KYAT1: variants seen among roughly 807,000 people sequenced by gnomAD.
The protein encoded by KYAT1 is kynurenine aminotransferase 1, also known as kynurenine--oxoglutarate transaminase 1.
Under a neutral mutation model 52.4 loss-of-function variants are expected in KYAT1, and 47 were observed. That is an observed-to-expected ratio of 0.90 (90% CI 0.71 to 1.14). KYAT1 has a LOEUF of 1.14. KYAT1 is among the 50% of genes most tolerant of loss of function. The pLI is 0.00. For missense variants in KYAT1, 480 were observed against 557.9 expected (o/e 0.86, Z 1.41); for synonymous variants, 212 against 209.6 (o/e 1.01, Z -0.10).
chr9:128,838,682 C>G (rs1831577628), intron 3 of KYAT1, among the ~76,000 whole-genome samples: 1 of 152,200 alleles, frequency 6.6e-6, no homozygotes, highest in African/African-American at 2.4e-5. Flanking sequence ...TGCCAACCAC[C>G]AGGCCTGCAC....
At chr9:128,871,150 C>A (rs1377867472) in intron 1 of KYAT1, among the ~76,000 whole-genome samples, 2 of 151,874 alleles carry the variant, frequency 1.3e-5, no homozygotes, top group African/African-American at 4.8e-5. Flanking sequence ...AATCCCATCT[C>A]TACAAAAAAT....
intron 1 of KYAT1, among the ~76,000 whole-genome samples, chr9:128,854,313 G>A (rs914154822): frequency 3.9e-5 from 6 of 152,086 alleles, no homozygotes; most frequent in Non-Finnish European, 8.8e-5. Context: ...AAATCAGACC[G>A]CTACTTCTGC....
intron 1 of KYAT1, among the ~76,000 whole-genome samples, chr9:128,853,540 A>G (rs79622164): frequency 1.3e-5 from 2 of 152,222 alleles, no homozygotes; most frequent in African/African-American, 4.8e-5. Context: ...CTAATCAAAT[A>G]TAGTATGGAT....
At chr9:128,836,985 C>T in intron 6 of KYAT1, 63 bp from the exon 7 acceptor site, 1 of 1,576,616 alleles carries the variant, frequency 6.3e-7, no homozygotes. Context: ...CAGAGGCCTA[C>T]TCAGAGAGGT....
chr9:128,849,983 C>G (rs765828362), intron 1 of KYAT1, among the ~76,000 whole-genome samples: 18 of 144,376 alleles, frequency 1.2e-4, no homozygotes, highest in South Asian at 2.2e-4. Context: ...TTCCTGGGTT[C>G]AAGTGATTCT....
intron 1 of KYAT1, among the ~76,000 whole-genome samples, chr9:128,864,235 G>A (rs756169428): frequency 1.4e-4 from 21 of 151,696 alleles, no homozygotes; most frequent in African/African-American, 3.1e-4. Context: ...GCATGGTGGC[G>A]GGTGCCTATA....
At chr9:128,843,419 C>T (rs1040510799) in intron 2 of KYAT1, among the ~76,000 whole-genome samples, 4 of 151,534 alleles carry the variant, frequency 2.6e-5, no homozygotes, top group Admixed American at 6.6e-5. Context: ...CGCTCTATCC[C>T]CTAGGCTGGA....
At chr9:128,849,410 CA>C (rs1316199057) in intron 1 of KYAT1, among the ~76,000 whole-genome samples, 4 of 94,916 alleles carry the variant, frequency 4.2e-5, no homozygotes, top group Admixed American at 1.6e-4. Context: ...GTCACCGGCT[CA>C]AAAAAAAAGC....
chr9:128,880,658 G>A (rs976983709), intron 1 of KYAT1, among the ~76,000 whole-genome samples: 3 of 152,010 alleles, frequency 2.0e-5, no homozygotes, highest in African/African-American at 7.2e-5. Context: ...TAGCCAGGAT[G>A]GTCTCGATCT....
intron 1 of KYAT1, chr9:128,847,609 T>C (rs532441056): frequency 2.0e-4 from 179 of 897,574 alleles, no homozygotes; most frequent in Admixed American, 1.5e-3. Flanking sequence ...AGAAAATGCC[T>C]CCGAGCTCAG....
chr9:128,868,700 C>T (rs982056805), intron 1 of KYAT1, among the ~76,000 whole-genome samples: 1 of 148,746 alleles, frequency 6.7e-6, no homozygotes, highest in Non-Finnish European at 1.5e-5. Context: ...CCATGCCTGG[C>T]TAATTTTTTT....
intron 1 of KYAT1, among the ~76,000 whole-genome samples, chr9:128,857,680 C>A (rs946711257): frequency 6.6e-6 from 1 of 152,022 alleles, no homozygotes; most frequent in Non-Finnish European, 1.5e-5. Context: ...ACTAAAAATA[C>A]AAAAAATTAG....
chr9:128,846,600 CAAAAAAAAAAAAAA>C (rs57333664), intron 1 of KYAT1: 131 of 419,214 alleles, frequency 3.1e-4, no homozygotes, highest in Non-Finnish European at 4.3e-4. Context: ...AAGACTCTAC[CAAAAAAAAAAAAAA>C]AAAAAAAAAA....
chr9:128,837,158 G>C (rs1831279987), intron 6 of KYAT1, among the ~76,000 whole-genome samples: 1 of 152,202 alleles, frequency 6.6e-6, no homozygotes, highest in Non-Finnish European at 1.5e-5. Flanking sequence ...GCTGGGCATG[G>C]TGGCGGGTGC....
chr9:128,869,105 G>T (rs1005696375), intron 1 of KYAT1, among the ~76,000 whole-genome samples: 3 of 152,122 alleles, frequency 2.0e-5, no homozygotes, highest in Non-Finnish European at 2.9e-5. Context: ...CTCCCAAAGT[G>T]CTGGGATTAC....
chr9:128,859,064 T>G (rs904402648), intron 1 of KYAT1, among the ~76,000 whole-genome samples: 1 of 150,550 alleles, frequency 6.6e-6, no homozygotes, highest in African/African-American at 2.4e-5. Context: ...CTGGCATACT[T>G]AAAAATAGTT....
chr9:128,834,337 G>A (rs890533626), intron 11 of KYAT1, among the ~76,000 whole-genome samples: 1 of 152,186 alleles, frequency 6.6e-6, no homozygotes, highest in African/African-American at 2.4e-5. Flanking sequence ...AGGGCAGAGG[G>A]AGGCTGACAG....
chr9:128,859,179 G>A (rs1343943068), intron 1 of KYAT1, among the ~76,000 whole-genome samples: 1 of 151,678 alleles, frequency 6.6e-6, no homozygotes, highest in African/African-American at 2.4e-5. Context: ...TGGCTAACAC[G>A]GCGAAACCCT....
At chr9:128,833,885 C>T (rs1413338313) in intron 11 of KYAT1, 59 bp from the exon 12 acceptor site, 18 of 1,425,404 alleles carry the variant, frequency 1.3e-5, no homozygotes, top group Non-Finnish European at 1.2e-5. Flanking sequence ...GCCTTGGCTC[C>T]GGAGGGGACA....
Sources: gnomAD v4.1 joint callset for allele counts (sites outside exome capture counted in the v4.1 genomes callset) on GRCh38, gnomAD v4.1.1 for gene constraint, MANE v1.5 for transcripts, NCBI Gene and HGNC (gene_info 2026-07-23, HGNC 2026-07-21) for gene names.